SCN7A: variants seen among roughly 807,000 people sequenced by gnomAD.
SCN7A encodes the protein sodium voltage-gated channel alpha subunit 7, also known as sodium channel protein type 7 subunit alpha.
Under a neutral mutation model 155.2 loss-of-function variants are expected in SCN7A, and 138 were observed. That is an observed-to-expected ratio of 0.89 (90% CI 0.77 to 1.02). The LOEUF is 1.02. Among genes scored for constraint, SCN7A ranks in the 50% least tolerant of loss-of-function variants. The pLI is 0.00. For synonymous variants in SCN7A, 693 were observed against 649.0 expected, an observed-to-expected ratio of 1.07 and a Z score of -1.03; for missense variants, 2,058 against 1,986.6, an observed-to-expected ratio of 1.04 and a Z score of -0.68.
Position 166,406,047 on chromosome 2 carries a change from C to T in SCN7A, c.4582G>A (p.Asp1528Asn), listed in dbSNP as rs1221665726. ...FFQVWKRFDP[D>N]RTQYIDSSKL... The stretch of plus-strand genomic sequence containing the variant: ...CTAGAGTCTATGTACTGGGTCCTAT[C>T]AGGATCAAACCTTTTCCATACCTGA... The change falls in exon 26 of 26, where the codon GAT becomes AAT. Residue 1528 changes from aspartate (D) to asparagine (N), a missense_variant. Physicochemically the swap from Asp to Asn is conservative, Grantham distance 23. Coordinates refer to ENST00000643258, the MANE Select transcript of SCN7A (RefSeq NM_002976.4). The T allele has an allele frequency of 6.2e-7, 1 of 1,612,912 alleles. No homozygotes were observed. Among genetic ancestry groups the T allele is most frequent in the South Asian group, 1.1e-5 (1 of 91,070 alleles).
rs1318311464 is a variant in SCN7A, at chr2:166,452,779, A to C, written c.1290+4091T>G. Reference sequence around the variant, plus strand: ...TGGATTGTATTCCTCAGTGTTGTGAAATCAAATATCAGTGAGTATAGATCA... The same window carrying C: ...TGGATTGTATTCCTCAGTGTTGTGACATCAAATATCAGTGAGTATAGATCA... On this transcript the variant is annotated intron_variant, in intron 11 of 25. Transcript: ENST00000643258. Among the ~76,000 whole-genome samples, 3 of 152,154 alleles carry C rather than the reference A, an allele frequency of 2.0e-5. No homozygotes were observed. In the East Asian group the frequency reaches 5.8e-4, roughly 29 times the overall value.
intron 18 of SCN7A, among the ~76,000 whole-genome samples, chr2:166,425,499 C>T (rs1299931322): frequency 2.0e-5 from 3 of 152,062 alleles, no homozygotes; most frequent in Admixed American, 2.0e-4. Context: ...TATATACTCT[C>T]ATTCTTGATG....
At chr2:166,480,538 T>C (rs114544851) in intron 2 of SCN7A, among the ~76,000 whole-genome samples, 1,851 of 151,702 alleles carry the variant, frequency 0.012, 27 homozygotes, top group Middle Eastern at 0.035. Context: ...CTTGAATATA[T>C]ATTAAATAAT....
At chr2:166,414,965 GGATAATATATAATATA>G (rs1701340236) in intron 21 of SCN7A, among the ~76,000 whole-genome samples, 4 of 108,200 alleles carry the variant, frequency 3.7e-5, no homozygotes, top group Non-Finnish European at 7.2e-5. Flanking sequence ...TTATTATATA[GGATAATATATAATATA>G]TATTATTATA....
At chr2:166,423,460 T>TTAGG in intron 18 of SCN7A, 28 bp from the exon 19 acceptor site, 1 of 1,491,324 alleles carries the variant, frequency 6.7e-7, no homozygotes, top group South Asian at 1.4e-5. Context: ...AAAATAAGGA[T>TTAGG]TAGGTGTACA....
intron 21 of SCN7A, among the ~76,000 whole-genome samples, chr2:166,413,397 C>T (rs1468229203): frequency 6.6e-6 from 1 of 151,968 alleles, no homozygotes; most frequent in Non-Finnish European, 1.5e-5. Context: ...TAATTACATG[C>T]GGCCATGTGT....
chr2:166,455,076 A>C (rs1702246844), intron 11 of SCN7A, among the ~76,000 whole-genome samples: 1 of 152,184 alleles, frequency 6.6e-6, no homozygotes. Flanking sequence ...TTCCTCTGGA[A>C]AGAACTAGAA....
In SCN7A at chr2:166,465,936, C is replaced by A. The variant is rs1397747748; in HGVS notation, c.716G>T (p.Gly239Val). Residue 239 changes from glycine to valine, a missense_variant, in exon 8 of 26, where the codon GGT (glycine) becomes GTT (valine). Physicochemically the swap from Gly to Val is moderately radical, Grantham distance 109. Coordinates refer to ENST00000643258, the MANE Select transcript of SCN7A (RefSeq NM_002976.4). ...VLIHCLKQLI[G>V]VIILTLFFLS... Reference sequence around the variant, plus strand: ...AAAAAACAGAGTTAGGATAATGACACCAATAAGCTGCTTCAAGCAGTGGAT... The same window carrying A: ...AAAAAACAGAGTTAGGATAATGACAACAATAAGCTGCTTCAAGCAGTGGAT... 4 of 1,613,386 alleles carry A rather than the reference C, an allele frequency of 2.5e-6. No individual in the cohort carries two copies. The South Asian group carries it at 4.4e-5, about 18-fold the overall frequency.
chr2:166,434,438 C>T (rs1182532292), intron 15 of SCN7A, among the ~76,000 whole-genome samples: 2 of 152,108 alleles, frequency 1.3e-5, no homozygotes, highest in East Asian at 3.9e-4. Flanking sequence ...CTTTTATAAT[C>T]CACAATGAAA....
intron 15 of SCN7A, chr2:166,436,439 C>T (rs1343985944): frequency 2.4e-6 from 1 of 423,526 alleles, no homozygotes. Flanking sequence ...GCCTCCCAAG[C>T]CCTGTGGAAC....
chr2:166,448,898 G>A (rs1030890387), intron 11 of SCN7A, among the ~76,000 whole-genome samples: 2 of 152,040 alleles, frequency 1.3e-5, no homozygotes, highest in African/African-American at 4.8e-5. Flanking sequence ...AAATTATTTG[G>A]CATTGTGATA....
At position 166,444,880 on chromosome 2, in the gene SCN7A, A is replaced by T; in HGVS notation, c.1508T>A (p.Met503Lys). The part of the protein sequence containing the change: ...KLKEFVHRII[M>K]APFTDLFLII... ...AAGGAAAAGATCAGTAAATGGTGCC[A>T]TTATAATCCTATGGACAAACTCTTT... Residue 503 changes from methionine to lysine, a missense_variant, in exon 13 of 26, where the codon ATG becomes AAG. By Grantham distance (95) the Met-to-Lys change is moderately conservative. Transcript: ENST00000643258. 2 of 1,612,700 alleles carry T rather than the reference A, an allele frequency of 1.2e-6. No individual in the cohort carries two copies. Among genetic ancestry groups the T allele is most frequent in the Non-Finnish European group, 1.7e-6 (2 of 1,178,868 alleles).
intron 10 of SCN7A, among the ~76,000 whole-genome samples, chr2:166,460,117 TAAAGTA>T (rs1163148836): frequency 6.6e-6 from 1 of 152,104 alleles, no homozygotes; most frequent in Non-Finnish European, 1.5e-5. Flanking sequence ...TCCCAGAACT[TAAAGTA>T]TAAGAAACAA....
At chr2:166,492,793 T>C (rs1026567186) in intron 1 of SCN7A, among the ~76,000 whole-genome samples, 7 of 152,364 alleles carry the variant, frequency 4.6e-5, no homozygotes, top group Admixed American at 3.9e-4. Flanking sequence ...GTTACACATA[T>C]GGTACTTTCA....
chr2:166,483,174 G>A (rs1320374216), intron 2 of SCN7A, among the ~76,000 whole-genome samples: 2 of 151,976 alleles, frequency 1.3e-5, no homozygotes, highest in East Asian at 1.9e-4. Flanking sequence ...AGCAGCAGAA[G>A]TATATGGAAA....
rs1474840431 is a variant in SCN7A, at chr2:166,415,238, T to C, written c.3414+1469A>G. 1.1e-4 allele frequency among the ~76,000 whole-genome samples: 17 copies of C among 149,882 alleles called. 1 individual carries two copies. The East Asian group carries it at 2.7e-3, about 24-fold the overall frequency. On this transcript the variant is annotated intron_variant, in intron 21 of 25. Transcript: ENST00000643258. ...ACTTTTGTCTCTTTTTTTTTTTTTTTTCTTTGAGAGAGTGTCACACTTTGT... is the reference window on the plus strand; with the variant it reads ...ACTTTTGTCTCTTTTTTTTTTTTTTCTCTTTGAGAGAGTGTCACACTTTGT...
At chr2:166,469,745 G>A (rs1248543770) in intron 7 of SCN7A, among the ~76,000 whole-genome samples, 1 of 151,814 alleles carries the variant, frequency 6.6e-6, no homozygotes, top group Non-Finnish European at 1.5e-5. Context: ...TTCCCACCAG[G>A]TTAACTCTCA....
chr2:166,478,733 G>A (rs1044952576), intron 2 of SCN7A, among the ~76,000 whole-genome samples: 12 of 151,638 alleles, frequency 7.9e-5, no homozygotes, highest in Non-Finnish European at 7.4e-5. Flanking sequence ...ATTTATATAT[G>A]TCCTTGAACG....
intron 2 of SCN7A, among the ~76,000 whole-genome samples, chr2:166,481,034 T>A (rs1446516366): frequency 6.6e-6 from 1 of 152,206 alleles, no homozygotes; most frequent in Non-Finnish European, 1.5e-5. Flanking sequence ...GGTTTTTGTC[T>A]AAAGGCTGGT....
Sources: allele counts gnomAD v4.1 joint callset (sites outside exome capture counted in the v4.1 genomes callset), GRCh38; gene constraint gnomAD v4.1.1; transcripts MANE v1.5; gene names NCBI Gene and HGNC (gene_info 2026-07-23, HGNC 2026-07-21).